Variants in FOXK1 observed in about 807,000 individuals in gnomAD.
FOXK1 encodes forkhead box K1.
Under a neutral mutation model 51.9 loss-of-function variants are expected in FOXK1, and 19 were observed. That is an observed-to-expected ratio of 0.37 (90% CI 0.26 to 0.54). FOXK1 has a LOEUF of 0.54. FOXK1 is among the 20% of genes least tolerant of loss of function. The pLI is 0.87. For synonymous variants in FOXK1, 537 were observed against 482.6 expected (o/e 1.11, Z -1.48); for missense variants, 870 against 1,032.7 (o/e 0.84, Z 2.16).
chr7:4,762,560 C>T lies in FOXK1; in HGVS notation c.*96C>T, dbSNP rs1050134877. The T allele has an allele frequency of 3.9e-6, 5 of 1,297,410 alleles. No homozygotes were observed. The African/African-American group carries it at 7.5e-5, about 19-fold the overall frequency. The allele number at this position is 1,297,410 out of a possible 1,614,324, so 80.4% of individuals were successfully genotyped here. On this transcript the variant is annotated 3_prime_UTR_variant, in exon 9 of 9. Transcript: ENST00000328914. This position sits in a 1 kb window ranked among gnomAD's most constrained non-coding sequence, Gnocchi z 5.7. ...GGCCGCACCCACAGACGGAGGAGAA[C>T]AGCCCGCGGCGGCCTGTGGGCATCG...
At chr7:4,751,118 C>G (rs1296300775) in intron 2 of FOXK1, among the ~76,000 whole-genome samples, 1 of 150,662 alleles carries the variant, frequency 6.6e-6, no homozygotes, top group Non-Finnish European at 1.5e-5. Context: ...AGGTTCATGC[C>G]ATTCTCCTGC....
chr7:4,767,023 AGAAGAAAGGATTTTCCCCTTC>A lies in FOXK1; in HGVS notation c.*4561_*4581del, dbSNP rs1562395557. 1 of 152,254 alleles carries A rather than the reference AGAAGAAAGGATTTTCCCCTTC, an allele frequency of 6.6e-6. No individual in the cohort carries two copies. The allele number at this position is 152,254 out of a possible 1,614,324, so 9.4% of individuals were successfully genotyped here. On this transcript the variant is annotated 3_prime_UTR_variant, in exon 9 of 9. Transcript: ENST00000328914. This position sits in a 1 kb window ranked among gnomAD's most constrained non-coding sequence, Gnocchi z 6.6. Reference sequence around the variant, plus strand: ...GTAATGGAACACGGGGAGGTGTCGGAGAAGAAAGGATTTTCCCCTTCGCTTTCAGAGCCGGCGGGAGTGCAG... The same window carrying A: ...GTAATGGAACACGGGGAGGTGTCGGAGCTTTCAGAGCCGGCGGGAGTGCAG...
Position 4,749,552 on chromosome 7 carries a change from C to T in FOXK1, c.747-4907C>T, listed in dbSNP as rs892453889. ...TCTCGCCCCTCCACTGCCCACAAGG[C>T]TCCGTCGCAGCTCCTTCCTCCAGCC... On this transcript the variant is annotated intron_variant, in intron 2 of 8. Transcript: ENST00000328914. This position sits in a 1 kb window ranked among gnomAD's most constrained non-coding sequence, Gnocchi z 6.0. Among the ~76,000 whole-genome samples the T allele has an allele frequency of 1.3e-5, 2 of 152,182 alleles. No homozygotes were observed. The highest frequency in any genetic ancestry group is 2.9e-5 in the Non-Finnish European group (2 of 68,020).
chr7:4,723,529 G>T lies in FOXK1; in HGVS notation c.561-17309G>T, dbSNP rs931173098. Among the ~76,000 whole-genome samples, 2 of 152,022 alleles carry T rather than the reference G, an allele frequency of 1.3e-5. No individual in the cohort carries two copies. Among genetic ancestry groups the T allele is most frequent in the African/African-American group, 4.8e-5 (2 of 41,374 alleles). On this transcript the variant is annotated intron_variant, in intron 1 of 8. Coordinates refer to ENST00000328914, the MANE Select transcript of FOXK1 (RefSeq NM_001037165.2). The surrounding 1 kb of genome is among the most constrained non-coding windows in gnomAD (Gnocchi z 4.7). ...CCCGAGCCTTCCTGTTGCCTCTAGG[G>T]CCTGTCCATCCCGTCAGCCCACGGT...
rs2115072812 is a variant in FOXK1 at position 4,756,801 on chromosome 7, C to T, written c.1051-193C>T. On this transcript the variant is annotated intron_variant, in intron 4 of 8. Transcript: ENST00000328914. This position sits in a 1 kb window ranked among gnomAD's most constrained non-coding sequence, Gnocchi z 4.1. The stretch of plus-strand genomic sequence containing the variant: ...AGGTAAAATGGTAATTATGCGGTGT[C>T]AAATTTTGATAGGAATGACCTGCCC... 6.6e-6 allele frequency among the ~76,000 whole-genome samples: 1 copy of T among 151,932 alleles called. No individual in the cohort carries two copies.
intron 1 of FOXK1, among the ~76,000 whole-genome samples, chr7:4,689,937 G>A (rs1388174848): frequency 1.3e-5 from 2 of 152,178 alleles, no homozygotes; most frequent in East Asian, 1.9e-4. Context: ...GCTGGGCTTT[G>A]CACTTGGGAC....
At chr7:4,717,687 G>A (rs879941485) in intron 1 of FOXK1, among the ~76,000 whole-genome samples, 1 of 152,190 alleles carries the variant, frequency 6.6e-6, no homozygotes, top group African/African-American at 2.4e-5. Context: ...TGCCCGCCTG[G>A]TCCTGGTGGC....
rs905242880 is a variant in FOXK1, at chr7:4,745,957, G to T, written c.746+4934G>T. ...ATTCAAGTAGTTAATCATTTTCTAG[G>T]TTCCATCAGACAGACACCAGTCTAA... On this transcript the variant is annotated intron_variant, in intron 2 of 8. Coordinates refer to ENST00000328914, the MANE Select transcript of FOXK1 (RefSeq NM_001037165.2). This position sits in a 1 kb window ranked among gnomAD's most constrained non-coding sequence, Gnocchi z 4.3. Among the ~76,000 whole-genome samples the T allele has an allele frequency of 6.6e-6, 1 of 152,186 alleles. No homozygotes were observed. The highest frequency in any genetic ancestry group is 6.5e-5 in the Admixed American group (1 of 15,276).
chr7:4,740,814 C>T, intron 1 of FOXK1, 24 bp from the exon 2 acceptor site: 1 of 1,589,216 alleles, frequency 6.3e-7, no homozygotes, highest in Non-Finnish European at 8.5e-7. Context: ...CTGCACCTCA[C>T]ACCCGCTCCT....
intron 1 of FOXK1, among the ~76,000 whole-genome samples, chr7:4,693,009 C>T (rs2115030561): frequency 6.6e-6 from 1 of 152,276 alleles, no homozygotes; most frequent in African/African-American, 2.4e-5. Flanking sequence ...AAGTCATCCT[C>T]TGCTATAATA....
In FOXK1 at chr7:4,747,761, C is replaced by T. The variant is rs1274399028; in HGVS notation, c.747-6698C>T. On this transcript the variant is annotated intron_variant, in intron 2 of 8. Transcript: ENST00000328914. This position sits in a 1 kb window ranked among gnomAD's most constrained non-coding sequence, Gnocchi z 9.2. ...CCCAGGCTGGTCCTGAACTCCTGGCCTCAAGCAGTCTTCCCACCTTGACCT... is the reference window on the plus strand; with the variant it reads ...CCCAGGCTGGTCCTGAACTCCTGGCTTCAAGCAGTCTTCCCACCTTGACCT... Among the ~76,000 whole-genome samples, 2 of 152,092 alleles carry T rather than the reference C, an allele frequency of 1.3e-5. No homozygotes were observed. The highest frequency in any genetic ancestry group is 2.9e-5 in the Non-Finnish European group (2 of 68,020).
chr7:4,741,976 A>G (rs933736305), intron 2 of FOXK1, among the ~76,000 whole-genome samples: 2 of 152,222 alleles, frequency 1.3e-5, no homozygotes, highest in African/African-American at 2.4e-5. Flanking sequence ...GGGTTCATAC[A>G]TTCTTTAATG....
Position 4,769,197 on chromosome 7 carries a change from C to T in FOXK1, c.*6733C>T, listed in dbSNP as rs1781059983. Reference sequence around the variant, plus strand: ...GGAAGAATCTTAGTCACTCTTTGCACCTGCCCTGTCATTCTCGCCATGGGG... The same window carrying T: ...GGAAGAATCTTAGTCACTCTTTGCATCTGCCCTGTCATTCTCGCCATGGGG... On this transcript the variant is annotated 3_prime_UTR_variant, in exon 9 of 9. Transcript: ENST00000328914. This position sits in a 1 kb window ranked among gnomAD's most constrained non-coding sequence, Gnocchi z 4.1. The T allele has an allele frequency of 6.6e-6, 1 of 152,196 alleles. No homozygotes were observed. The highest frequency in any genetic ancestry group is 2.4e-5 in the African/African-American group (1 of 41,440). The allele number at this position is 152,196 out of a possible 1,614,324, so 9.4% of individuals were successfully genotyped here.
In FOXK1 at chr7:4,755,792, G is replaced by A. The variant is rs756556286; in HGVS notation, c.1050+409G>A. On this transcript the variant is annotated intron_variant, in intron 4 of 8. Transcript: ENST00000328914. This position sits in a 1 kb window ranked among gnomAD's most constrained non-coding sequence, Gnocchi z 6.6. ...AAATATAAAAGAGGGATGTTTTCACGAATGGCATATGGTACATCTGAAAGG... is the reference window on the plus strand; with the variant it reads ...AAATATAAAAGAGGGATGTTTTCACAAATGGCATATGGTACATCTGAAAGG... Among the ~76,000 whole-genome samples, 16 of 152,146 alleles carry A rather than the reference G, an allele frequency of 1.1e-4. No homozygotes were observed. Among genetic ancestry groups the A allele is most frequent in the East Asian group, 3.9e-4 (2 of 5,188 alleles).
In FOXK1 at chr7:4,722,560, C is replaced by T. The variant is rs918168197; in HGVS notation, c.561-18278C>T. 3.9e-5 allele frequency among the ~76,000 whole-genome samples: 6 copies of T among 152,238 alleles called. No individual in the cohort carries two copies. The highest frequency in any genetic ancestry group is 1.4e-4 in the African/African-American group (6 of 41,460). ...ACACTCGTGCCTGTTAACCGCACACCTGCGTGCAGCACGGGCACACTCGTA... is the reference window on the plus strand; with the variant it reads ...ACACTCGTGCCTGTTAACCGCACACTTGCGTGCAGCACGGGCACACTCGTA... On this transcript the variant is annotated intron_variant, in intron 1 of 8. Coordinates refer to ENST00000328914, the MANE Select transcript of FOXK1 (RefSeq NM_001037165.2). This position sits in a 1 kb window ranked among gnomAD's most constrained non-coding sequence, Gnocchi z 5.1.
rs139450025 is a variant in FOXK1 at position 4,715,143 on chromosome 7, T to C, written c.561-25695T>C. On this transcript the variant is annotated intron_variant, in intron 1 of 8. Coordinates refer to ENST00000328914, the MANE Select transcript of FOXK1 (RefSeq NM_001037165.2). This position sits in a 1 kb window ranked among gnomAD's most constrained non-coding sequence, Gnocchi z 4.5. Reference sequence around the variant, plus strand: ...AATTGTGATATAGTGCACGGTGGAATTGTGATACGGTACATGGTGGAACTG... The same window carrying C: ...AATTGTGATATAGTGCACGGTGGAACTGTGATACGGTACATGGTGGAACTG... Among the ~76,000 whole-genome samples, 1 of 152,208 alleles carries C rather than the reference T, an allele frequency of 6.6e-6. No individual in the cohort carries two copies. The highest frequency in any genetic ancestry group is 1.9e-4 in the East Asian group (1 of 5,180).
chr7:4,705,552 T>TCG (rs760518643), intron 1 of FOXK1, among the ~76,000 whole-genome samples: 321 of 143,634 alleles, frequency 2.2e-3, no homozygotes, highest in African/African-American at 8.1e-3. Context: ...TCTCTCTCTC[T>TCG]CTCTCTCGCT....
At chr7:4,754,319 G>A in intron 2 of FOXK1, 140 bp from the exon 3 acceptor site, 1 of 935,206 alleles carries the variant, frequency 1.1e-6, no homozygotes, top group Non-Finnish European at 1.6e-6. Flanking sequence ...CCTTGGCCGG[G>A]CAGTGTGGTG....
chr7:4,728,886 C>A (rs930644261), intron 1 of FOXK1, among the ~76,000 whole-genome samples: 1 of 152,174 alleles, frequency 6.6e-6, no homozygotes, highest in Non-Finnish European at 1.5e-5. Context: ...GATAAACCAG[C>A]GTCTGGTACT....
Sources: gnomAD v4.1 joint callset for allele counts (sites outside exome capture counted in the v4.1 genomes callset) on GRCh38, gnomAD v4.1.1 for gene constraint, Gnocchi (gnomAD v3.1) non-coding constraint, MANE v1.5 for transcripts, NCBI Gene and HGNC (gene_info 2026-07-23, HGNC 2026-07-21) for gene names.